Variants in FHAD1 observed in about 807,000 individuals in gnomAD.
FHAD1 encodes forkhead associated phosphopeptide binding domain 1.
A neutral mutation model predicts 191.3 loss-of-function variants in FHAD1; 146 were observed. That is an observed-to-expected ratio of 0.76 (90% CI 0.67 to 0.88). The LOEUF is 0.88. Ranked by LOEUF, FHAD1 falls within the 40% of genes least tolerant of loss-of-function variation. FHAD1 has a pLI of 0.00. For synonymous variants in FHAD1, 616 were observed against 672.3 expected (o/e 0.92, Z 1.29); for missense variants, 1,635 against 1,785.8 (o/e 0.92, Z 1.52).
rs1697458363 is a variant in FHAD1 at position 15,369,367 on chromosome 1, T to C, written c.3315-3T>C. The C allele has an allele frequency of 1.3e-6, 2 of 1,551,908 alleles. No individual in the cohort carries two copies. The highest frequency in any genetic ancestry group is 1.7e-6 in the Non-Finnish European group (2 of 1,147,050). On this transcript the variant is annotated splice_region_variant and splice_polypyrimidine_tract_variant and intron_variant, in intron 25 of 33. Transcript: ENST00000688493. ...CGTGCCATCCTCCTCTTCTCTACCC[T>C]AGGGCTTCCCAAGAGAAACACAGAC...
upstream of FHAD1, among the ~76,000 whole-genome samples, chr1:15,246,288 G>A (rs1490816857): frequency 6.6e-6 from 1 of 152,176 alleles, no homozygotes; most frequent in Non-Finnish European, 1.5e-5. Flanking sequence ...AACACGTGGG[G>A]AGTGCAATTC....
In FHAD1 at chr1:15,327,263, T is replaced by C. The variant is rs540655605; in HGVS notation, c.1557+121T>C. ...TTTGTTGGTGGCATATTTTTCACAC[T>C]GTTGCTACACCATAAAGATTTGTTT... is the stretch of plus-strand genomic sequence containing the variant. On this transcript the variant is annotated intron_variant, in intron 12 of 33. Transcript: ENST00000688493. This position sits in a 1 kb window ranked among gnomAD's most constrained non-coding sequence, Gnocchi z 5.1. 2 of 646,330 alleles carry C rather than the reference T, an allele frequency of 3.1e-6. No individual in the cohort carries two copies. The highest frequency in any genetic ancestry group is 2.8e-5 in the East Asian group (1 of 35,508). The allele number at this position is 646,330 out of a possible 1,614,324, so 40.0% of individuals were successfully genotyped here.
intron 33 of FHAD1, among the ~76,000 whole-genome samples, chr1:15,395,730 A>G (rs742360): frequency 0.03 from 4,518 of 152,308 alleles, 203 homozygotes; most frequent in African/African-American, 0.1. Flanking sequence ...TCCAACCCGC[A>G]GCCCAGGACA....
chr1:15,333,639 C>T (rs1256920498), intron 14 of FHAD1, among the ~76,000 whole-genome samples: 2 of 151,974 alleles, frequency 1.3e-5, no homozygotes, highest in African/African-American at 4.8e-5. Flanking sequence ...GTCTATTCAT[C>T]GCCATCCTGC....
chr1:15,383,823 T>C, intron 31 of FHAD1: 1 of 427,506 alleles, frequency 2.3e-6, no homozygotes, highest in Non-Finnish European at 4.7e-6. Context: ...AAACTGCGCC[T>C]CAGAGAGTTA....
chr1:15,368,290 G>C (rs2102793571), intron 25 of FHAD1, among the ~76,000 whole-genome samples: 1 of 152,144 alleles, frequency 6.6e-6, no homozygotes, highest in South Asian at 2.1e-4. Flanking sequence ...CCTGTTTATT[G>C]TCTGCCCTCC....
intron 24 of FHAD1, 63 bp downstream of exon 24, chr1:15,365,996 CTAAAGAGTCGG>C (rs1483435572): frequency 1.4e-5 from 17 of 1,210,694 alleles, no homozygotes; most frequent in Non-Finnish European, 2.0e-5. Context: ...GGAGATGAGG[CTAAAGAGTCGG>C]CCGGGCGCAG....
intron 20 of FHAD1, among the ~76,000 whole-genome samples, chr1:15,354,934 C>T (rs1033376178): frequency 1.6e-5 from 2 of 126,154 alleles, no homozygotes; most frequent in African/African-American, 5.3e-5. Flanking sequence ...CTTGGCCGGG[C>T]GCAGTGACTC....
At position 15,352,941 on chromosome 1, in the gene FHAD1, A is replaced by C; in HGVS notation, c.2519A>C (p.Lys840Thr). 6.4e-7 allele frequency: 1 copy of C among 1,551,554 alleles called. No individual in the cohort carries two copies. Reference sequence around the variant, plus strand: ...AAGGAGGCCATGGAGAAGGAAAAGAAAAAGGTGCAAGACCTGGAGAATCGC... The same window carrying C: ...AAGGAGGCCATGGAGAAGGAAAAGACAAAGGTGCAAGACCTGGAGAATCGC... ...KAKEAMEKEK[K>T]KVQDLENRLT... Residue 840 changes from lysine to threonine, a missense_variant, in exon 20 of 34, where the codon AAA (lysine) becomes ACA (threonine). By Grantham distance (78) the Lys-to-Thr change is moderately conservative (BLOSUM62 -1). Transcript: ENST00000688493.
At chr1:15,237,397 T>A (rs1208773801) in intron 1 of FHAD1, among the ~76,000 whole-genome samples, 1 of 152,188 alleles carries the variant, frequency 6.6e-6, no homozygotes, top group African/African-American at 2.4e-5. Flanking sequence ...CCTCCTGCAA[T>A]GCCTTTCTCT....
At chr1:15,390,135 C>A (rs1703523695) in intron 32 of FHAD1, among the ~76,000 whole-genome samples, 1 of 152,050 alleles carries the variant, frequency 6.6e-6, no homozygotes, top group African/African-American at 2.4e-5. Context: ...CACTTGAGGT[C>A]AGGAGTTCCA....
intron 2 of FHAD1, among the ~76,000 whole-genome samples, chr1:15,254,508 G>GGT (rs55822521): frequency 1.3e-5 from 2 of 151,844 alleles, no homozygotes; most frequent in African/African-American, 2.4e-5. Context: ...TTTGTTCACA[G>GGT]TAAGGTGGGT....
At chr1:15,370,905 C>T (rs927022579) in intron 26 of FHAD1, among the ~76,000 whole-genome samples, 1 of 152,204 alleles carries the variant, frequency 6.6e-6, no homozygotes, top group Non-Finnish European at 1.5e-5. Flanking sequence ...TGCTTTCCGG[C>T]TCTCTCAGAG....
chr1:15,271,021 C>T (rs1655669454), intron 2 of FHAD1, among the ~76,000 whole-genome samples: 2 of 151,916 alleles, frequency 1.3e-5, no homozygotes, highest in African/African-American at 2.4e-5. Context: ...CGCCTGTAGT[C>T]CCAGCTACTT....
At chr1:15,244,785 T>C (rs1645804350), upstream of FHAD1, among the ~76,000 whole-genome samples, 1 of 134,530 alleles carries the variant, frequency 7.4e-6, no homozygotes, top group Admixed American at 7.0e-5. The surrounding 1 kb of genome is among the most constrained non-coding windows in gnomAD (Gnocchi z 5.1). Context: ...ATAAATAACA[T>C]AAATAAATAA....
chr1:15,251,902 C>T (rs758253260), intron 2 of FHAD1, 25 bp downstream of exon 2: 10 of 1,534,328 alleles, frequency 6.5e-6, no homozygotes, highest in South Asian at 2.4e-5. Flanking sequence ...CACCTGTTCC[C>T]GTCCCCTCCC....
At chr1:15,348,999 C>A in intron 18 of FHAD1, 43 bp from the exon 19 acceptor site, 1 of 1,260,740 alleles carries the variant, frequency 7.9e-7, no homozygotes, top group South Asian at 1.3e-5. Flanking sequence ...AATTTCCCCC[C>A]TAAATGTGCA....
chr1:15,395,513 C>T lies in FHAD1; in HGVS notation c.4324-1784C>T, dbSNP rs2496310. Reference sequence around the variant, plus strand: ...CAGTTCAAAGGGCCAGCCCAGGGAGCGAGTGGCATCTCACAGCCCATTACC... The same window carrying T: ...CAGTTCAAAGGGCCAGCCCAGGGAGTGAGTGGCATCTCACAGCCCATTACC... On this transcript the variant is annotated intron_variant, in intron 33 of 33. Coordinates refer to ENST00000688493, the MANE Select transcript of FHAD1 (RefSeq NM_001391957.1). Among the ~76,000 whole-genome samples the T allele has an allele frequency of 2.1e-3, 314 of 152,232 alleles. 1 individual carries two copies. Among genetic ancestry groups the T allele is most frequent in the African/African-American group, 7.0e-3 (292 of 41,548 alleles).
Position 15,292,299 on chromosome 1 carries a change from C to G in FHAD1, c.568+2633C>G, listed in dbSNP as rs947822175. 2.0e-5 allele frequency among the ~76,000 whole-genome samples: 3 copies of G among 151,898 alleles called. No individual in the cohort carries two copies. In the East Asian group the frequency reaches 5.8e-4, roughly 29 times the overall value. On this transcript the variant is annotated intron_variant, in intron 4 of 33. Transcript: ENST00000688493. The stretch of plus-strand genomic sequence containing the variant: ...AGTAGCTGGGATTACAGGCACCCAC[C>G]ACCAGGCCTGGCTAATTTTTGTGGG...
Sources: gnomAD v4.1 joint callset for allele counts (sites outside exome capture counted in the v4.1 genomes callset) on GRCh38, gnomAD v4.1.1 for gene constraint, Gnocchi (gnomAD v3.1) non-coding constraint, MANE v1.5 for transcripts, NCBI Gene and HGNC (gene_info 2026-07-23, HGNC 2026-07-21) for gene names.